SLC38A1: variants seen among roughly 807,000 people sequenced by gnomAD.
SLC38A1 encodes sodium-coupled neutral amino acid symporter 1.
A neutral mutation model predicts 60.3 loss-of-function variants in SLC38A1; 18 were observed. That is an observed-to-expected ratio of 0.30 (90% CI 0.21 to 0.44). The LOEUF is 0.44. Ranked by LOEUF, SLC38A1 falls within the 20% of genes least tolerant of loss-of-function variation. The probability of loss-of-function intolerance (pLI) is 1.00; values close to 1 mark genes in which losing one functional copy is unlikely to be tolerated. For missense variants in SLC38A1, 448 were observed against 587.2 expected (o/e 0.76, Z 2.45); for synonymous variants, 196 against 212.1 (o/e 0.92, Z 0.66).
At chr12:46,212,424 C>A (rs1346075542) in intron 5 of SLC38A1, among the ~76,000 whole-genome samples, 2 of 152,272 alleles carry the variant, frequency 1.3e-5, no homozygotes, top group South Asian at 2.1e-4. Flanking sequence ...AAAAGGCGTA[C>A]TTACATGGGG....
chr12:46,193,542 C>A (rs1939235038), intron 16 of SLC38A1, among the ~76,000 whole-genome samples: 1 of 152,120 alleles, frequency 6.6e-6, no homozygotes, highest in Non-Finnish European at 1.5e-5. Flanking sequence ...GTTAAAATCT[C>A]CCATTATTAT....
At chr12:46,245,889 C>T (rs1229214532) in intron 1 of SLC38A1, among the ~76,000 whole-genome samples, 2 of 152,114 alleles carry the variant, frequency 1.3e-5, no homozygotes, top group African/African-American at 4.8e-5. Flanking sequence ...TAGCTCTAGT[C>T]CCTCTTCCTT....
chr12:46,207,444 T>C (rs752768552), intron 7 of SLC38A1, 85 bp downstream of exon 7: 1 of 1,331,330 alleles, frequency 7.5e-7, no homozygotes, highest in East Asian at 2.3e-5. Context: ...GGATGATAAC[T>C]GCTTGAATTA....
chr12:46,196,067 C>T (rs1939362138), intron 16 of SLC38A1: 1 of 1,373,742 alleles, frequency 7.3e-7, no homozygotes. Context: ...CAGAGCTGTT[C>T]CTATTTGGCT....
chr12:46,229,924 C>T (rs1259725073), intron 3 of SLC38A1, among the ~76,000 whole-genome samples: 1 of 152,118 alleles, frequency 6.6e-6, no homozygotes, highest in Non-Finnish European at 1.5e-5. Flanking sequence ...AAAACAATGC[C>T]AATAACAGGT....
chr12:46,250,548 GTCCC>G (rs1941799734), intron 1 of SLC38A1, among the ~76,000 whole-genome samples: 1 of 152,190 alleles, frequency 6.6e-6, no homozygotes, highest in African/African-American at 2.4e-5. Context: ...AAGTCAAACT[GTCCC>G]TATTTGCAGA....
chr12:46,241,694 C>A (rs1941454932), intron 2 of SLC38A1, among the ~76,000 whole-genome samples: 1 of 152,152 alleles, frequency 6.6e-6, no homozygotes, highest in Admixed American at 6.5e-5. Context: ...CCTTATGTTG[C>A]AAAAGCTGAA....
At chr12:46,262,320 AAAGTT>A (rs1305811562) in intron 1 of SLC38A1, among the ~76,000 whole-genome samples, 2 of 152,204 alleles carry the variant, frequency 1.3e-5, no homozygotes, top group African/African-American at 4.8e-5. Context: ...AATAAACTCT[AAAGTT>A]AATGAAGTCA....
chr12:46,207,507 A>T (rs1939962013), intron 7 of SLC38A1, 22 bp downstream of exon 7: 12 of 1,604,514 alleles, frequency 7.5e-6, no homozygotes, highest in Non-Finnish European at 1.0e-5. Flanking sequence ...AAGTTATGTA[A>T]AGAAAAGCAT....
rs1383025727 is a variant in SLC38A1 at position 46,206,134 on chromosome 12, C to T, written c.592G>A (p.Val198Met). The T allele has an allele frequency of 1.2e-6, 2 of 1,611,586 alleles. No homozygotes were observed. The highest frequency in any genetic ancestry group is 1.7e-6 in the Non-Finnish European group (2 of 1,178,438). Reference sequence around the variant, plus strand: ...ATTATGCCAAAGGTAACTATCACCACCAGAACGCGGCCATCCACGTACCAG... The same window carrying T: ...ATTATGCCAAAGGTAACTATCACCATCAGAACGCGGCCATCCACGTACCAG... ...SAWYVDGRVLVVIVTFGIILP... is the reference protein window; with the variant it reads ...SAWYVDGRVLMVIVTFGIILP... The change falls in exon 9 of 17, where the codon GTG becomes ATG. Residue 198 changes from valine to methionine, a missense_variant. Around this residue, in one of 2 missense-constraint regions of SLC38A1, gnomAD observed 346 missense variants for 497.5 expected, o/e 0.70. Coordinates refer to ENST00000398637, the MANE Select transcript of SLC38A1 (RefSeq NM_030674.4).
chr12:46,260,720 GT>G (rs1463376803), intron 1 of SLC38A1, among the ~76,000 whole-genome samples: 1 of 152,142 alleles, frequency 6.6e-6, no homozygotes, highest in East Asian at 1.9e-4. Context: ...TGAAACTTGA[GT>G]ATGGCTTTCA....
intron 16 of SLC38A1, among the ~76,000 whole-genome samples, chr12:46,190,261 A>G (rs1939092116): frequency 6.6e-6 from 1 of 152,194 alleles, no homozygotes; most frequent in Admixed American, 6.5e-5. Context: ...TGCAAAGGAC[A>G]TGAACTGATC....
intron 5 of SLC38A1, among the ~76,000 whole-genome samples, chr12:46,209,522 A>G (rs1940055439): frequency 6.6e-6 from 1 of 152,190 alleles, no homozygotes; most frequent in South Asian, 2.1e-4. Flanking sequence ...TGACCTTAGG[A>G]GAATGACCAC....
chr12:46,253,814 AATCCAT>A (rs1941938570), intron 1 of SLC38A1, among the ~76,000 whole-genome samples: 1 of 152,118 alleles, frequency 6.6e-6, no homozygotes, highest in South Asian at 2.1e-4. Flanking sequence ...CAGGGATGAA[AATCCAT>A]CTTTAGTAAC....
chr12:46,202,142 A>C (rs1420955864), intron 12 of SLC38A1, among the ~76,000 whole-genome samples: 12 of 151,192 alleles, frequency 7.9e-5, no homozygotes, highest in African/African-American at 2.9e-4. Flanking sequence ...CAGTGAGCTG[A>C]GATCACACCA....
chr12:46,229,121 A>G (rs959008679), intron 5 of SLC38A1, 32 bp downstream of exon 5: 2 of 1,307,752 alleles, frequency 1.5e-6, no homozygotes, highest in Middle Eastern at 1.8e-4. Flanking sequence ...GTTCAGTTTT[A>G]AAATGGAAAG....
intron 3 of SLC38A1, among the ~76,000 whole-genome samples, chr12:46,232,450 G>A (rs2038301232): frequency 6.6e-6 from 1 of 152,250 alleles, no homozygotes; most frequent in Admixed American, 6.5e-5. Flanking sequence ...GCAAACTCTG[G>A]TGGTTGTATA....
intron 5 of SLC38A1, among the ~76,000 whole-genome samples, chr12:46,221,259 C>T (rs1278927948): frequency 1.3e-5 from 2 of 152,062 alleles, no homozygotes; most frequent in Admixed American, 6.6e-5. Flanking sequence ...AGTGAACAAT[C>T]CACCAAAGTG....
At position 46,198,042 on chromosome 12, in the gene SLC38A1, C is replaced by G. The variant is rs1415825044; in HGVS notation, c.1141G>C (p.Glu381Gln). 4 of 1,613,574 alleles carry G rather than the reference C, an allele frequency of 2.5e-6. No homozygotes were observed. The highest frequency in any genetic ancestry group is 3.4e-6 in the Non-Finnish European group (4 of 1,179,886). The change falls in exon 15 of 17, where the codon GAA becomes CAA. Residue 381 changes from glutamate to glutamine, a missense_variant. Glu to Gln is a conservative substitution (Grantham distance 29, BLOSUM62 2). Coordinates refer to ENST00000398637, the MANE Select transcript of SLC38A1 (RefSeq NM_030674.4). ...LFFTVRSSLF[E>Q]LAKKTKFNLC... Reference sequence around the variant, plus strand: ...TTAAACTTTGTTTTCTTAGCCAGTTCAAATAAAGATGAACGAACCTGCAAG... The same window carrying G: ...TTAAACTTTGTTTTCTTAGCCAGTTGAAATAAAGATGAACGAACCTGCAAG...
Sources: gnomAD v4.1 joint callset for allele counts (sites outside exome capture counted in the v4.1 genomes callset) on GRCh38, gnomAD v4.1.1 for gene constraint, gnomAD v4.1.1 regional missense constraint, MANE v1.5 for transcripts, NCBI Gene and HGNC (gene_info 2026-07-23, HGNC 2026-07-21) for gene names.